SLC25A18: variants seen among roughly 807,000 people sequenced by gnomAD.
The protein encoded by SLC25A18 is solute carrier family 25 member 18, also known as mitochondrial glutamate carrier 2.
In SLC25A18, 24 loss-of-function variants were observed where a neutral mutation model predicts 31.1. The observed-to-expected ratio is 0.77, with a 90% CI of 0.56 to 1.08. SLC25A18 has a LOEUF of 1.08. SLC25A18 is among the 50% of genes least tolerant of loss of function. SLC25A18 has a pLI of 0.00. For synonymous variants in SLC25A18, 173 were observed against 161.9 expected, an observed-to-expected ratio of 1.07 and a Z score of -0.52; for missense variants, 371 against 418.5, an observed-to-expected ratio of 0.89 and a Z score of 0.99.
intron 3 of SLC25A18, chr22:17,580,296 C>A (rs1176446782): frequency 1.8e-5 from 5 of 271,358 alleles, no homozygotes; most frequent in Non-Finnish European, 3.4e-5. Context: ...CAGGTAAATC[C>A]ATCTCCAAAT....
intron 9 of SLC25A18, 46 bp downstream of exon 9, chr22:17,588,125 T>C (rs1301085619): frequency 6.2e-7 from 1 of 1,608,592 alleles, no homozygotes. Flanking sequence ...AAACAGTAAT[T>C]TTGCACTTAT....
At position 17,581,096 on chromosome 22, in the gene SLC25A18, T is replaced by TC; in HGVS notation, c.84dup (p.Ile29HisfsTer180). Reference sequence around the variant, plus strand: ...GGGCTCGTGGGGGTGACCTGCGTGTTCCCCATCGACTTGGCCAAGACTCGC... The same window carrying TC: ...GGGCTCGTGGGGGTGACCTGCGTGTTCCCCCATCGACTTGGCCAAGACTCGC... On this transcript the variant is annotated frameshift_variant, in exon 4 of 11. Coordinates refer to ENST00000327451, the MANE Select transcript of SLC25A18 (RefSeq NM_031481.3). LOFTEE classifies it high-confidence loss of function. The TC allele has an allele frequency of 1.9e-6, 3 of 1,574,718 alleles. No homozygotes were observed. The highest frequency in any genetic ancestry group is 2.7e-5 in the African/African-American group (2 of 74,456).
chr22:17,588,600 A>ATTGT, intron 9 of SLC25A18: 1 of 158,080 alleles, frequency 6.3e-6, no homozygotes, highest in Non-Finnish European at 1.4e-5. Flanking sequence ...CAGTGAGCCA[A>ATTGT]GACCACACCA....
Position 17,582,577 on chromosome 22 carries a change from CTCACTCTGGTCACTCCAGAGAAGGCCA to C in SLC25A18, c.218_244del (p.Thr73_Ile81del). On this transcript the variant is annotated inframe_deletion, in exon 6 of 11. Coordinates refer to ENST00000327451, the MANE Select transcript of SLC25A18 (RefSeq NM_031481.3). ...TTCACTTCCAGGGGCTGCAGTGAAC[CTCACTCTGGTCACTCCAGAGAAGGCCA>C]TCAAGCTGGCGGCCAACGACTTTTT... 1 of 1,599,408 alleles carries C rather than the reference CTCACTCTGGTCACTCCAGAGAAGGCCA, an allele frequency of 6.3e-7. No individual in the cohort carries two copies. The highest frequency in any genetic ancestry group is 1.1e-5 in the South Asian group (1 of 88,466).
At chr22:17,581,310 C>T in intron 4 of SLC25A18, 48 bp from the exon 5 acceptor site, 9 of 1,610,874 alleles carry the variant, frequency 5.6e-6, no homozygotes, top group Non-Finnish European at 7.6e-6. Flanking sequence ...ATGGAGGCGG[C>T]TGGGAGGCCC....
intron 7 of SLC25A18, among the ~76,000 whole-genome samples, chr22:17,583,816 T>C (rs1342545081): frequency 6.6e-6 from 1 of 151,934 alleles, no homozygotes; most frequent in Non-Finnish European, 1.5e-5. Flanking sequence ...TGGTGGTGCA[T>C]GCCTATAATC....
At chr22:17,574,511 T>C (rs1237173038) in intron 2 of SLC25A18, among the ~76,000 whole-genome samples, 2 of 108,526 alleles carry the variant, frequency 1.8e-5, no homozygotes, top group East Asian at 2.1e-4. Context: ...TTCCTTATTC[T>C]TTTTTTTTTT....
rs987489045 is a variant in SLC25A18 at position 17,568,616 on chromosome 22, C to T, written c.-263-1308C>T. ...TCACTCTGTCACCCAGGCTGGAGTG[C>T]AGTGGTGCGATCTCGGCTCACTGCA... On this transcript the variant is annotated intron_variant, in intron 1 of 10. Coordinates refer to ENST00000327451, the MANE Select transcript of SLC25A18 (RefSeq NM_031481.3). Among the ~76,000 whole-genome samples, 152 of 112,278 alleles carry T rather than the reference C, an allele frequency of 1.4e-3. 1 individual carries two copies. Among genetic ancestry groups the T allele is most frequent in the Non-Finnish European group, 1.5e-3 (91 of 60,874 alleles). 73.7% of individuals were successfully genotyped at this position (112,278 alleles called of 152,430 possible). A position where few individuals can be genotyped will look rare whatever the true frequency, so the allele number is the denominator to read the frequency against.
intron 6 of SLC25A18, 116 bp from the exon 7 acceptor site, chr22:17,583,299 TG>T: frequency 7.7e-7 from 1 of 1,304,198 alleles, no homozygotes; most frequent in Non-Finnish European, 1.1e-6. Flanking sequence ...CTTGACCAGC[TG>T]GGTGAGTGGC....
At chr22:17,578,388 G>A (rs994890444) in intron 2 of SLC25A18, among the ~76,000 whole-genome samples, 7 of 152,238 alleles carry the variant, frequency 4.6e-5, no homozygotes, top group African/African-American at 1.7e-4. Flanking sequence ...AGCACCAAGA[G>A]AAAGACTAAT....
chr22:17,584,422 A>AGAAG lies in SLC25A18; in HGVS notation c.409+911_409+914dup, dbSNP rs1555951457. 6.4e-3 allele frequency among the ~76,000 whole-genome samples: 861 copies of AGAAG among 134,160 alleles called. 6 individuals are homozygous for AGAAG. Among genetic ancestry groups the AGAAG allele is most frequent in the South Asian group, 0.013 (56 of 4,458 alleles). 88.0% of individuals were successfully genotyped at this position (134,160 alleles called of 152,430 possible). A position where few individuals can be genotyped will look rare whatever the true frequency, so the allele number is the denominator to read the frequency against. On this transcript the variant is annotated intron_variant, in intron 7 of 10. Transcript: ENST00000327451. ...AGAAAAGAAAGAAAGAAAGAAAGAA[A>AGAAG]GAAGGAAGGAAGGAAGGAAGGAAGG... is the stretch of plus-strand genomic sequence containing the variant.
chr22:17,590,864 A>G lies in SLC25A18; in HGVS notation c.*628A>G, dbSNP rs2057693993. 1 of 152,438 alleles carries G rather than the reference A, an allele frequency of 6.6e-6. No individual in the cohort carries two copies. Among genetic ancestry groups the G allele is most frequent in the Non-Finnish European group, 1.5e-5 (1 of 68,210 alleles). 9.4% of individuals were successfully genotyped at this position (152,438 alleles called of 1,614,324 possible). On this transcript the variant is annotated 3_prime_UTR_variant, in exon 11 of 11. Transcript: ENST00000327451. ...CTCCCTGTAACCAAGGAACACTCTG[A>G]AATAAAGGTGAATGGCTAAAATCTC...
Position 17,589,590 on chromosome 22 carries a change from T to C in SLC25A18, c.731T>C (p.Val244Ala), listed in dbSNP as rs1361764163. The C allele has an allele frequency of 6.2e-7, 1 of 1,613,994 alleles. No individual in the cohort carries two copies. The highest frequency in any genetic ancestry group is 1.1e-5 in the South Asian group (1 of 91,076). Residue 244 changes from valine to alanine, a missense_variant and splice_region_variant, in exon 10 of 11, where the codon GTT (valine) becomes GCT (alanine). Physicochemically the swap from Val to Ala is moderately conservative, Grantham distance 64. Coordinates refer to ENST00000327451, the MANE Select transcript of SLC25A18 (RefSeq NM_031481.3). ...IAAVAVTPLD[V>A]LKTRIQTLKK... ...TTACTTTAACTTTTACTTGATTTAG[T>C]TCTGAAAACTCGAATCCAAACCCTC...
At chr22:17,584,966 C>G (rs1212377211) in intron 7 of SLC25A18, among the ~76,000 whole-genome samples, 1 of 151,654 alleles carries the variant, frequency 6.6e-6, no homozygotes, top group Non-Finnish European at 1.5e-5. Flanking sequence ...AATCCTGGTC[C>G]TCTCAGAATG....
At chr22:17,587,849 C>G in intron 8 of SLC25A18, 76 bp from the exon 9 acceptor site, 3 of 1,585,990 alleles carry the variant, frequency 1.9e-6, no homozygotes, top group Admixed American at 3.5e-5. Context: ...CAGCTCACAG[C>G]AAAGCTCATT....
At chr22:17,587,099 G>T in intron 7 of SLC25A18, 37 bp from the exon 8 acceptor site, 1 of 1,604,964 alleles carries the variant, frequency 6.2e-7, no homozygotes, top group Non-Finnish European at 8.5e-7. Flanking sequence ...AGCATCTGTT[G>T]GGGACCAGGT....
intron 6 of SLC25A18, 138 bp downstream of exon 6, chr22:17,582,791 T>G (rs1285443588): frequency 2.7e-6 from 2 of 746,864 alleles, no homozygotes; most frequent in Non-Finnish European, 2.2e-6. Context: ...AGGGCTGGTG[T>G]GTGTTTGGGC....
rs763628217 is a variant in SLC25A18 at position 17,587,932 on chromosome 22, C to T, written c.583C>T (p.Pro195Ser). 5 of 1,614,022 alleles carry T rather than the reference C, an allele frequency of 3.1e-6. No individual in the cohort carries two copies. In the Admixed American group the frequency reaches 8.3e-5, roughly 27 times the overall value. The change falls in exon 9 of 11, where the codon CCT becomes TCT. Residue 195 changes from proline (P) to serine (S), a missense_variant. Coordinates refer to ENST00000327451, the MANE Select transcript of SLC25A18 (RefSeq NM_031481.3). ...GLGATLLRDI[P>S]FSIIYFPLFA... is the part of the protein sequence containing the mutation. ...CTCCTTCCTCTTCTGCAGAGACATT[C>T]CTTTCTCCATCATCTACTTCCCACT...
At chr22:17,589,251 G>T (rs1211096082) in intron 9 of SLC25A18, 6 of 206,418 alleles carry the variant, frequency 2.9e-5, no homozygotes, top group African/African-American at 1.4e-4. Context: ...TACAATCTCG[G>T]CTCACTGCAA....
Sources: gnomAD v4.1 joint callset for allele counts (sites outside exome capture counted in the v4.1 genomes callset) on GRCh38, gnomAD v4.1.1 for gene constraint, MANE v1.5 for transcripts, NCBI Gene and HGNC (gene_info 2026-07-23, HGNC 2026-07-21) for gene names.